The following SGCD variants were observed in gnomAD, a reference collection of about 807,000 sequenced individuals.
The protein encoded by SGCD is sarcoglycan delta.
SGCD carries 18 observed loss-of-function variants against 36.6 expected under a neutral mutation model. The observed-to-expected ratio is 0.49, with a 90% CI of 0.34 to 0.73. SGCD has a LOEUF of 0.73. Among genes scored for constraint, SGCD ranks in the 30% least tolerant of loss-of-function variants. SGCD has a pLI of 0.01. For missense variants in SGCD, 387 were observed against 346.7 expected (o/e 1.12, Z -0.92); for synonymous variants, 133 against 130.6 (o/e 1.02, Z -0.12).
chr5:156,636,265 G>A (rs1334416305), intron 6 of SGCD, among the ~76,000 whole-genome samples: 1 of 152,112 alleles, frequency 6.6e-6, no homozygotes, highest in African/African-American at 2.4e-5. Context: ...ATCCAGTATT[G>A]CAGTGGTATA....
At chr5:156,286,590 C>T (rs1300279193) in intron 3 of SGCD, among the ~76,000 whole-genome samples, 13 of 152,154 alleles carry the variant, frequency 8.5e-5, no homozygotes, top group South Asian at 8.3e-4. Flanking sequence ...AACCAAACAC[C>T]GCATGTTCTC....
chr5:155,994,046 C>A (rs1436130902), intron 1 of SGCD, among the ~76,000 whole-genome samples: 2 of 152,172 alleles, frequency 1.3e-5, no homozygotes, highest in African/African-American at 4.8e-5. Context: ...AATCTGTCCC[C>A]AGTATTTTAC....
At chr5:155,928,324 A>C (rs1289286363) in intron 1 of SGCD, among the ~76,000 whole-genome samples, 2 of 152,172 alleles carry the variant, frequency 1.3e-5, no homozygotes, top group Admixed American at 1.3e-4. Context: ...CAATCAAATG[A>C]ATCTTCATTT....
At chr5:155,971,056 T>C (rs1056324195) in intron 1 of SGCD, among the ~76,000 whole-genome samples, 11 of 152,186 alleles carry the variant, frequency 7.2e-5, no homozygotes, top group African/African-American at 2.7e-4. Flanking sequence ...CTGTTTCATC[T>C]GACTCATTTA....
At chr5:156,207,247 A>G (rs1288252673) in intron 3 of SGCD, among the ~76,000 whole-genome samples, 1 of 152,168 alleles carries the variant, frequency 6.6e-6, no homozygotes, top group African/African-American at 2.4e-5. Context: ...GACTCGGTCA[A>G]TATAATTTTT....
intron 2 of SGCD, among the ~76,000 whole-genome samples, chr5:156,334,609 C>CTTTTTTTTTTTTTTTTTTTTTTTTTTT (rs35767339): frequency 9.5e-6 from 1 of 105,068 alleles, no homozygotes; most frequent in Non-Finnish European, 1.8e-5. Context: ...GGTCTATTTT[C>CTTTTTTTTTTTTTTTTTTTTTTTTTTT]TTTTTTTTTT....
intron 6 of SGCD, among the ~76,000 whole-genome samples, chr5:156,608,457 C>T (rs949899479): frequency 3.3e-5 from 5 of 152,192 alleles, no homozygotes; most frequent in Admixed American, 2.6e-4. Flanking sequence ...GAGAGCTTTA[C>T]TTCCAACTAT....
At chr5:156,349,337 T>A (rs1386836732) in intron 3 of SGCD, among the ~76,000 whole-genome samples, 2 of 151,612 alleles carry the variant, frequency 1.3e-5, no homozygotes, top group Non-Finnish European at 2.9e-5. Flanking sequence ...GGAGAAAAAA[T>A]TTGCAATTAT....
intron 4 of SGCD, among the ~76,000 whole-genome samples, chr5:156,540,942 A>G (rs1180008769): frequency 6.6e-6 from 1 of 152,188 alleles, no homozygotes; most frequent in Non-Finnish European, 1.5e-5. Flanking sequence ...AGTGGAGAAG[A>G]TAAACAAGAA....
chr5:156,667,347 G>A (rs1469115261), intron 7 of SGCD, among the ~76,000 whole-genome samples: 1 of 152,128 alleles, frequency 6.6e-6, no homozygotes. Context: ...TGATACCATT[G>A]TGGAAGAAAT....
the SGCD span, among the ~76,000 whole-genome samples, chr5:155,807,990 A>G: frequency 6.6e-6 from 1 of 152,218 alleles, no homozygotes; most frequent in Admixed American, 6.5e-5. Context: ...GGCTCTCTGG[A>G]TACTTAGTAA....
intron 1 of SGCD, among the ~76,000 whole-genome samples, chr5:156,052,954 G>A (rs965228550): frequency 6.8e-6 from 1 of 146,168 alleles, no homozygotes; most frequent in African/African-American, 2.5e-5. Context: ...TAGGACCAAT[G>A]TGTTGTGCCC....
intron 3 of SGCD, among the ~76,000 whole-genome samples, chr5:156,244,161 AC>A (rs980278722): frequency 2.0e-5 from 3 of 152,176 alleles, no homozygotes; most frequent in African/African-American, 7.2e-5. Flanking sequence ...AAAAGATGCA[AC>A]CCTGTCAAAG....
At chr5:156,487,929 T>C (rs1297693211) in intron 3 of SGCD, among the ~76,000 whole-genome samples, 4 of 140,034 alleles carry the variant, frequency 2.9e-5, no homozygotes, top group South Asian at 4.5e-4. Flanking sequence ...TCAGAAAAAA[T>C]TCATAATCTC....
intron 1 of SGCD, among the ~76,000 whole-genome samples, chr5:156,092,401 A>G (rs925842497): frequency 3.3e-5 from 5 of 152,202 alleles, no homozygotes; most frequent in South Asian, 2.1e-4. Flanking sequence ...CATGTTGGAC[A>G]TTCATTTTTC....
At chr5:156,302,746 T>A (rs1377086593) in intron 3 of SGCD, among the ~76,000 whole-genome samples, 1 of 152,202 alleles carries the variant, frequency 6.6e-6, no homozygotes, top group Non-Finnish European at 1.5e-5. Flanking sequence ...ACCACCTTGG[T>A]GGTCTTGGGT....
the SGCD span, among the ~76,000 whole-genome samples, chr5:155,766,726 A>G: frequency 9.8e-5 from 15 of 152,294 alleles, no homozygotes; most frequent in Non-Finnish European, 1.6e-4. Flanking sequence ...TATAGATATT[A>G]TCTTACTCAC....
chr5:156,396,422 GT>G (rs1420702900), intron 3 of SGCD, among the ~76,000 whole-genome samples: 1 of 152,150 alleles, frequency 6.6e-6, no homozygotes, highest in Non-Finnish European at 1.5e-5. Flanking sequence ...ATTTATATAT[GT>G]AGTTTTTGTG....
chr5:156,334,117 A>C (rs1768207946), intron 2 of SGCD, among the ~76,000 whole-genome samples: 1 of 151,964 alleles, frequency 6.6e-6, no homozygotes. Context: ...AGTCATGTTC[A>C]TTATTATTTT....
Sources: allele counts gnomAD v4.1 joint callset (sites outside exome capture counted in the v4.1 genomes callset), GRCh38; gene constraint gnomAD v4.1.1; transcripts MANE v1.5; gene names NCBI Gene and HGNC (gene_info 2026-07-23, HGNC 2026-07-21).